Variants in RARB observed in about 807,000 individuals in gnomAD.
RARB encodes retinoic acid receptor beta.
A neutral mutation model predicts 51.9 loss-of-function variants in RARB; 17 were observed. That is an observed-to-expected ratio of 0.33 (90% CI 0.22 to 0.49). The LOEUF (loss-of-function observed/expected upper bound fraction) is 0.49. Among genes scored for constraint, RARB ranks in the 20% least tolerant of loss-of-function variants. The pLI is 0.99. For synonymous variants in RARB, 215 were observed against 195.4 expected (o/e 1.10, Z -0.84); for missense variants, 369 against 550.8 (o/e 0.67, Z 3.30).
chr3:25,516,394 G>A lies in RARB; in HGVS notation c.448+15071G>A, dbSNP rs181394763. ...GATTTATGAACTTATGTGGATTCCA[G>A]TTTAATAATTAGCTAATTATTCTTT... On this transcript the variant is annotated intron_variant, in intron 3 of 7. Coordinates refer to ENST00000330688, the MANE Select transcript of RARB (RefSeq NM_000965.5). Among the ~76,000 whole-genome samples the A allele has an allele frequency of 1.5e-3, 231 of 152,160 alleles. 3 individuals carry two copies. Among genetic ancestry groups the A allele is most frequent in the Admixed American group, 0.013 (203 of 15,278 alleles).
At chr3:25,229,696 C>G (rs1702133174) in intron 5 of RARB, among the ~76,000 whole-genome samples, 1 of 149,916 alleles carries the variant, frequency 6.7e-6, no homozygotes, top group Non-Finnish European at 1.5e-5. Flanking sequence ...TCCCCACCCC[C>G]ACCCCCAGCA....
At chr3:24,910,430 G>T (rs1694968319) in intron 2 of RARB, among the ~76,000 whole-genome samples, 1 of 152,126 alleles carries the variant, frequency 6.6e-6, no homozygotes, top group African/African-American at 2.4e-5. Context: ...ATAATTGGAT[G>T]ACATGTTTTG....
At chr3:25,290,087 G>C (rs1297387547) in intron 5 of RARB, among the ~76,000 whole-genome samples, 1 of 152,048 alleles carries the variant, frequency 6.6e-6, no homozygotes, top group Non-Finnish European at 1.5e-5. Context: ...TTTTCTTTAG[G>C]CTAATGAAGC....
chr3:25,585,699 T>A (rs1458134991), intron 5 of RARB, among the ~76,000 whole-genome samples: 1 of 152,200 alleles, frequency 6.6e-6, no homozygotes, highest in African/African-American at 2.4e-5. Context: ...GGACAGGGGC[T>A]CATGCCATCT....
chr3:25,217,045 G>A (rs1046911291), intron 5 of RARB, among the ~76,000 whole-genome samples: 9 of 152,198 alleles, frequency 5.9e-5, no homozygotes, highest in East Asian at 1.9e-4. Flanking sequence ...CAAGAGGTGC[G>A]TGCTATCTAA....
chr3:25,233,615 C>G (rs34708987), intron 5 of RARB, among the ~76,000 whole-genome samples: 3 of 152,016 alleles, frequency 2.0e-5, no homozygotes, highest in Admixed American at 2.0e-4. Context: ...TTGTCCTGTT[C>G]CTGATATCAG....
chr3:24,838,584 A>G lies in RARB; in HGVS notation c.-459+9181A>G, dbSNP rs77572836. ...GATGTTCTAGTACATCCTGTAATAAAGCCACTGCAGAGTAAAGATAGCCAT... is the reference window on the plus strand; with the variant it reads ...GATGTTCTAGTACATCCTGTAATAAGGCCACTGCAGAGTAAAGATAGCCAT... On this transcript the variant is annotated intron_variant, in intron 1 of 11. Transcript: ENST00000383772. Among the ~76,000 whole-genome samples the G allele has an allele frequency of 8.1e-3, 1,227 of 152,342 alleles. 13 individuals carry two copies. Among genetic ancestry groups the G allele is most frequent in the African/African-American group, 0.028 (1,164 of 41,572 alleles).
chr3:24,971,954 A>G (rs554190094), intron 2 of RARB, among the ~76,000 whole-genome samples: 19 of 149,996 alleles, frequency 1.3e-4, no homozygotes, highest in African/African-American at 4.4e-4. Context: ...TGTATAATCA[A>G]TTCAGGGTAA....
At chr3:25,308,368 GGATAAA>G (rs1337112154) in intron 5 of RARB, among the ~76,000 whole-genome samples, 1 of 151,792 alleles carries the variant, frequency 6.6e-6, no homozygotes, top group African/African-American at 2.4e-5. Context: ...ATACAGACTA[GGATAAA>G]TGCTCTTCAA....
At chr3:25,553,015 G>T (rs988945294) in intron 3 of RARB, among the ~76,000 whole-genome samples, 9 of 152,050 alleles carry the variant, frequency 5.9e-5, no homozygotes, top group Non-Finnish European at 2.9e-5. Flanking sequence ...GCTTGAAAAT[G>T]AAAAACAGAT....
At chr3:25,210,364 CAGGCCAAATCCATTGTG>C (rs1397426357) in intron 5 of RARB, among the ~76,000 whole-genome samples, 2 of 151,936 alleles carry the variant, frequency 1.3e-5, no homozygotes, top group Non-Finnish European at 2.9e-5. Context: ...ATTATGACCA[CAGGCCAAATCCATTGTG>C]TATGCAGCCT....
chr3:25,428,747 G>C lies in RARB; in HGVS notation c.16G>C (p.Asp6His). The C allele has an allele frequency of 1.2e-6, 2 of 1,614,060 alleles. No homozygotes were observed. The highest frequency in any genetic ancestry group is 1.7e-6 in the Non-Finnish European group (2 of 1,179,976). ...AAGGGAGATCATGTTTGACTGTATG[G>C]ATGTTCTGTCAGTGAGTCCTGGGCA... MFDCM[D>H]VLSVSPGQIL... Residue 6 changes from aspartate to histidine, a missense_variant, in exon 1 of 8, where the codon GAT (aspartate) becomes CAT (histidine). Transcript: ENST00000330688.
At chr3:25,388,159 C>G (rs980525014) in intron 5 of RARB, among the ~76,000 whole-genome samples, 2 of 152,104 alleles carry the variant, frequency 1.3e-5, no homozygotes, top group African/African-American at 4.8e-5. Context: ...TAATTTTTTG[C>G]TGATGTTCAA....
At chr3:25,408,373 C>A (rs937725710) in intron 5 of RARB, among the ~76,000 whole-genome samples, 2 of 151,974 alleles carry the variant, frequency 1.3e-5, no homozygotes, top group Admixed American at 1.3e-4. Context: ...GCACATCTTC[C>A]TATGGCCAAG....
Position 25,482,635 on chromosome 3 carries a change from G to T in RARB, c.307-18547G>T, listed in dbSNP as rs1696285042. On this transcript the variant is annotated intron_variant, in intron 2 of 7. Coordinates refer to ENST00000330688, the MANE Select transcript of RARB (RefSeq NM_000965.5). ...GCTCACTGCAACCTCTGCCTCCCAG[G>T]TTCAGGTGATTCTTCTACCTCAGCC... is the stretch of plus-strand genomic sequence containing the variant. Among the ~76,000 whole-genome samples, 5 of 142,136 alleles carry T rather than the reference G, an allele frequency of 3.5e-5. No individual in the cohort carries two copies. In the South Asian group the frequency reaches 1.1e-3, roughly 32 times the overall value. The allele number at this position is 142,136 out of a possible 152,430, so 93.2% of individuals were successfully genotyped here. A position where few individuals can be genotyped will look rare whatever the true frequency, so the allele number is the denominator to read the frequency against.
intron 3 of RARB, among the ~76,000 whole-genome samples, chr3:25,114,164 G>A (rs1157880930): frequency 6.6e-6 from 1 of 152,128 alleles, no homozygotes; most frequent in African/African-American, 2.4e-5. Flanking sequence ...TACAATATTT[G>A]TGTTTAAAGC....
intron 2 of RARB, among the ~76,000 whole-genome samples, chr3:24,904,356 T>C (rs1237619847): frequency 6.6e-6 from 1 of 152,076 alleles, no homozygotes; most frequent in Non-Finnish European, 1.5e-5. Flanking sequence ...CCAAAGGATA[T>C]GAACAGACAC....
intron 5 of RARB, among the ~76,000 whole-genome samples, chr3:25,255,234 G>T (rs1702832872): frequency 6.6e-6 from 1 of 152,150 alleles, no homozygotes; most frequent in African/African-American, 2.4e-5. Flanking sequence ...TTTTTCTGGA[G>T]ATCAGATCCT....
intron 5 of RARB, among the ~76,000 whole-genome samples, chr3:25,363,733 G>T (rs979002408): frequency 6.6e-6 from 1 of 152,140 alleles, no homozygotes; most frequent in Non-Finnish European, 1.5e-5. Context: ...ACACAGATCA[G>T]TTGACATCAC....
Sources: allele counts gnomAD v4.1 joint callset (sites outside exome capture counted in the v4.1 genomes callset), GRCh38; gene constraint gnomAD v4.1.1; transcripts MANE v1.5; gene names NCBI Gene and HGNC (gene_info 2026-07-23, HGNC 2026-07-21).